HHIPL1: variants seen among roughly 807,000 people sequenced by gnomAD.
The protein encoded by HHIPL1 is HHIP-like protein 1.
In HHIPL1, 43 loss-of-function variants were observed where a neutral mutation model predicts 61.8. The observed-to-expected ratio is 0.70, with a 90% CI of 0.55 to 0.90. The LOEUF (loss-of-function observed/expected upper bound fraction) is 0.90, where lower values mean the gene tolerates loss of function less well. HHIPL1 is among the 40% of genes least tolerant of loss of function. The pLI is 0.00. For missense variants in HHIPL1, 1,056 were observed against 1,157.7 expected, an observed-to-expected ratio of 0.91 and a Z score of 1.28; for synonymous variants, 482 against 515.8, an observed-to-expected ratio of 0.93 and a Z score of 0.89.
At chr14:99,669,039 C>A in intron 7 of HHIPL1, 1 of 1,471,988 alleles carries the variant, frequency 6.8e-7, no homozygotes, top group Non-Finnish European at 9.0e-7. Context: ...ACCTCACCCT[C>A]TTCAAGCACC....
the HHIPL1 span, among the ~76,000 whole-genome samples, chr14:99,629,675 T>C: frequency 4.3e-5 from 6 of 139,850 alleles, no homozygotes; most frequent in Non-Finnish European, 9.5e-5. Context: ...TTTTTTTTTT[T>C]GTATTTTAGT....
the HHIPL1 span, among the ~76,000 whole-genome samples, chr14:99,605,257 A>C: frequency 3.9e-5 from 6 of 152,174 alleles, no homozygotes; most frequent in African/African-American, 1.4e-4. Flanking sequence ...CGAGCCGGCC[A>C]CAGAACTCCC....
chr14:99,618,040 G>A, the HHIPL1 span, among the ~76,000 whole-genome samples: 2 of 152,226 alleles, frequency 1.3e-5, no homozygotes, highest in Non-Finnish European at 2.9e-5. Context: ...TCAGAGCAGG[G>A]AGGCACCTTG....
rs1007982609 is a variant in HHIPL1, at chr14:99,668,375, T to C, written c.1730+72T>C. On this transcript the variant is annotated intron_variant, in intron 7 of 8. Coordinates refer to ENST00000330710, the MANE Select transcript of HHIPL1 (RefSeq NM_001127258.3). This position sits in a 1 kb window ranked among gnomAD's most constrained non-coding sequence, Gnocchi z 4.7. ...CTCTTAGCTCCACGGGCTTGTCCCC[T>C]CCGCCTCGCCCTCAGGTGGGTGGTA... 2.2e-6 allele frequency: 2 copies of C among 910,090 alleles called. No homozygotes were observed. The highest frequency in any genetic ancestry group is 1.6e-5 in the African/African-American group (1 of 61,556). 56.4% of individuals were successfully genotyped at this position (910,090 alleles called of 1,614,324 possible).
At chr14:99,622,505 C>T in the HHIPL1 span, among the ~76,000 whole-genome samples, 14 of 152,348 alleles carry the variant, frequency 9.2e-5, no homozygotes, top group African/African-American at 1.7e-4. Flanking sequence ...CTGGCACCGA[C>T]GCCCTGTCCT....
the HHIPL1 span, among the ~76,000 whole-genome samples, chr14:99,628,108 C>T: frequency 6.6e-6 from 1 of 152,134 alleles, no homozygotes; most frequent in Non-Finnish European, 1.5e-5. Flanking sequence ...GACCGAGGCC[C>T]AGAGAGAGGT....
At chr14:99,605,116 G>GCTCCAC in the HHIPL1 span, among the ~76,000 whole-genome samples, 1 of 152,158 alleles carries the variant, frequency 6.6e-6, no homozygotes, top group African/African-American at 2.4e-5. Flanking sequence ...TCGGAGCCCC[G>GCTCCAC]CTCCACCTCC....
upstream of HHIPL1, among the ~76,000 whole-genome samples, chr14:99,644,832 G>A (rs1370878726): frequency 1.3e-5 from 2 of 152,228 alleles, no homozygotes; most frequent in Non-Finnish European, 2.9e-5. Flanking sequence ...CCCTAGCCCA[G>A]TGGGAGGTGG....
chr14:99,674,477 C>T (rs1200485510), intron 8 of HHIPL1, among the ~76,000 whole-genome samples: 4 of 152,124 alleles, frequency 2.6e-5, no homozygotes, highest in African/African-American at 7.2e-5. Context: ...GTTCCCCCAT[C>T]GTACCCGCTG....
At chr14:99,670,114 C>CTTTTTTTTTTTTTTTTTTTTTTT (rs766131828) in intron 7 of HHIPL1, among the ~76,000 whole-genome samples, 1 of 144,372 alleles carries the variant, frequency 6.9e-6, no homozygotes, top group African/African-American at 2.6e-5. Context: ...CAGTCTTTTA[C>CTTTTTTTTTTTTTTTTTTTTTTT]TTTTTTTTTT....
chr14:99,664,983 C>T (rs1019604620), intron 6 of HHIPL1, among the ~76,000 whole-genome samples: 5 of 150,250 alleles, frequency 3.3e-5, no homozygotes, highest in African/African-American at 7.3e-5. Flanking sequence ...GGTGCAATCT[C>T]GGTTCACTGC....
chr14:99,614,942 G>T, the HHIPL1 span, among the ~76,000 whole-genome samples: 1 of 152,080 alleles, frequency 6.6e-6, no homozygotes, highest in African/African-American at 2.4e-5. Context: ...CATAAAAAGG[G>T]CCAGAAGAGA....
At chr14:99,629,362 G>A in the HHIPL1 span, among the ~76,000 whole-genome samples, 2 of 152,232 alleles carry the variant, frequency 1.3e-5, no homozygotes, top group East Asian at 3.8e-4. Flanking sequence ...TGAGTCTGCT[G>A]GCACAGGCAT....
In HHIPL1 at chr14:99,652,218, C is replaced by T. The variant is rs200612351; in HGVS notation, c.256-6C>T. 7.1e-5 allele frequency: 113 copies of T among 1,587,544 alleles called. No individual in the cohort carries two copies. Among genetic ancestry groups the T allele is most frequent in the Non-Finnish European group, 9.3e-5 (108 of 1,165,908 alleles). On this transcript the variant is annotated splice_polypyrimidine_tract_variant and splice_region_variant and intron_variant, in intron 1 of 8. Transcript: ENST00000330710. ...AAACATCTCTGAGCCATTACTGTCT[C>T]TGCAGGAATGCTCGCCGTATGCAGC...
chr14:99,645,118 G>A, upstream of HHIPL1: 1 of 1,166,590 alleles, frequency 8.6e-7, no homozygotes, highest in East Asian at 3.3e-5. Flanking sequence ...GTAGGGAAGG[G>A]GAGCGCCCGC....
the HHIPL1 span, among the ~76,000 whole-genome samples, chr14:99,609,465 C>T: frequency 1.3e-5 from 2 of 152,384 alleles, no homozygotes; most frequent in East Asian, 3.9e-4. Flanking sequence ...CCCATGCTTG[C>T]CCCTGGCAGA....
intron 1 of HHIPL1, among the ~76,000 whole-genome samples, chr14:99,646,612 A>T (rs1284924049): frequency 1.3e-5 from 2 of 152,030 alleles, no homozygotes; most frequent in Non-Finnish European, 2.9e-5. Flanking sequence ...CCATCTCTAC[A>T]AAAATACAAA....
At position 99,652,646 on chromosome 14, in the gene HHIPL1, G is replaced by C. The variant is rs765042583; in HGVS notation, c.678G>C (p.Ser226=). The change falls in exon 2 of 9, where the codon TCG becomes TCC. Residue 226 remains serine (S), a synonymous_variant. Coordinates refer to ENST00000330710, the MANE Select transcript of HHIPL1 (RefSeq NM_001127258.3). ...GLVWAYLPDR[S]RLGKPFLNIS... is the part of the protein sequence containing the mutation. ...TGTGGGCCTACCTGCCCGACCGCTC[G>C]AGGCTGGGGAAGCCTTTCCTGAACA... 11 of 1,613,492 alleles carry C rather than the reference G, an allele frequency of 6.8e-6. No individual in the cohort carries two copies. The South Asian group carries it at 1.1e-4, about 16-fold the overall frequency.
At chr14:99,655,141 T>C (rs1194032873) in intron 2 of HHIPL1, among the ~76,000 whole-genome samples, 1 of 152,084 alleles carries the variant, frequency 6.6e-6, no homozygotes, top group Non-Finnish European at 1.5e-5. Context: ...CAATGCCGGG[T>C]GGATGACCGA....
Sources: allele counts gnomAD v4.1 joint callset (sites outside exome capture counted in the v4.1 genomes callset), GRCh38; gene constraint gnomAD v4.1.1; non-coding constraint Gnocchi (gnomAD v3.1); transcripts MANE v1.5; gene names NCBI Gene and HGNC (gene_info 2026-07-23, HGNC 2026-07-21).